TRDN: variants seen among roughly 807,000 people sequenced by gnomAD.
TRDN encodes the protein triadin in skeletal muscle.
In TRDN, 161 loss-of-function variants were observed where a neutral mutation model predicts 149.7. That is an observed-to-expected ratio of 1.08 (90% confidence interval 0.95 to 1.23). The LOEUF is 1.23. TRDN is among the 50% of genes most tolerant of loss of function. TRDN has a pLI of 0.00. For missense variants in TRDN, 896 were observed against 823.5 expected, an observed-to-expected ratio of 1.09 and a Z score of -1.08; for synonymous variants, 294 against 250.5, an observed-to-expected ratio of 1.17 and a Z score of -1.64.
At chr6:123,592,660 T>C (rs887022402) in intron 1 of TRDN, among the ~76,000 whole-genome samples, 8 of 152,224 alleles carry the variant, frequency 5.3e-5, no homozygotes, top group Non-Finnish European at 1.2e-4. Flanking sequence ...GTGAGCTTCA[T>C]AAGCTTTATT....
chr6:123,502,960 T>C, intron 8 of TRDN: 1 of 985,308 alleles, frequency 1.0e-6, no homozygotes, highest in Non-Finnish European at 1.2e-6. Context: ...ATAAGACCCT[T>C]AGTTGCCCTC....
At chr6:123,389,954 C>G (rs1179457852) in intron 13 of TRDN, among the ~76,000 whole-genome samples, 3 of 152,132 alleles carry the variant, frequency 2.0e-5, no homozygotes, top group Non-Finnish European at 4.4e-5. Context: ...TTTGACTCAA[C>G]AGACTTTGTT....
intron 24 of TRDN, among the ~76,000 whole-genome samples, chr6:123,312,362 T>A (rs557184482): frequency 6.6e-6 from 1 of 152,068 alleles, no homozygotes; most frequent in South Asian, 2.1e-4. Flanking sequence ...CTCCTCAGCC[T>A]ACTCAACATG....
intron 10 of TRDN, among the ~76,000 whole-genome samples, chr6:123,439,207 GTA>G (rs1774743509): frequency 6.6e-6 from 1 of 152,132 alleles, no homozygotes; most frequent in Admixed American, 6.6e-5. Context: ...AAAACACTGT[GTA>G]AAGTGCCTGG....
intron 1 of TRDN, among the ~76,000 whole-genome samples, chr6:123,575,363 G>C (rs1782800146): frequency 6.6e-6 from 1 of 152,054 alleles, no homozygotes; most frequent in African/African-American, 2.4e-5. Context: ...GGAATAAATT[G>C]CCTTCTCTGA....
chr6:123,471,080 G>C (rs1777124815), intron 9 of TRDN: 1 of 152,220 alleles, frequency 6.6e-6, no homozygotes, highest in Non-Finnish European at 1.5e-5. Flanking sequence ...ATGACTTTCG[G>C]AGTAATGGGT....
At chr6:123,262,592 C>T (rs567841045) in intron 33 of TRDN, among the ~76,000 whole-genome samples, 17 of 152,046 alleles carry the variant, frequency 1.1e-4, no homozygotes, top group African/African-American at 2.6e-4. Flanking sequence ...TATTGTGCTT[C>T]GCTTAATTGC....
intron 1 of TRDN, among the ~76,000 whole-genome samples, chr6:123,607,134 A>T (rs1316994695): frequency 1.2e-4 from 19 of 152,220 alleles, no homozygotes; most frequent in Admixed American, 1.2e-3. Flanking sequence ...ACAGTACTGG[A>T]TTATTGTATT....
chr6:123,444,036 GT>G (rs1480946396), intron 10 of TRDN, among the ~76,000 whole-genome samples: 2 of 150,074 alleles, frequency 1.3e-5, no homozygotes, highest in African/African-American at 5.0e-5. Flanking sequence ...CTTTAAAGTA[GT>G]TTTTTCCAAT....
chr6:123,499,971 G>A (rs1778630402), intron 8 of TRDN, among the ~76,000 whole-genome samples: 1 of 151,196 alleles, frequency 6.6e-6, no homozygotes, highest in Admixed American at 6.6e-5. Context: ...GTGGATTTTG[G>A]TACCTGCAGG....
intron 19 of TRDN, among the ~76,000 whole-genome samples, chr6:123,371,951 G>A (rs1258131186): frequency 2.0e-5 from 3 of 151,918 alleles, no homozygotes; most frequent in Admixed American, 6.6e-5. Context: ...ATACAAAATC[G>A]AGCAAGTGAA....
chr6:123,632,653 T>G (rs936728908), intron 1 of TRDN, among the ~76,000 whole-genome samples: 5 of 152,076 alleles, frequency 3.3e-5, no homozygotes, highest in Admixed American at 2.0e-4. Context: ...GAACATCTCC[T>G]GGAAGTGACC....
At chr6:123,492,828 A>T (rs1306842299) in intron 9 of TRDN, among the ~76,000 whole-genome samples, 1 of 152,160 alleles carries the variant, frequency 6.6e-6, no homozygotes, top group Non-Finnish European at 1.5e-5. Context: ...TTCTCTTATG[A>T]GTAAGTGACA....
intron 22 of TRDN, among the ~76,000 whole-genome samples, chr6:123,335,915 T>C (rs554136224): frequency 6.6e-6 from 1 of 152,126 alleles, no homozygotes; most frequent in Non-Finnish European, 1.5e-5. Context: ...ACAATTTTGA[T>C]TTTCACAAAA....
intron 7 of TRDN, among the ~76,000 whole-genome samples, chr6:123,505,110 G>T (rs1778859659): frequency 6.6e-6 from 1 of 151,882 alleles, no homozygotes; most frequent in Non-Finnish European, 1.5e-5. Flanking sequence ...TGGGCGTGGT[G>T]GTGCATGCCT....
chr6:123,507,812 C>T (rs915568130), intron 7 of TRDN, among the ~76,000 whole-genome samples: 19 of 152,126 alleles, frequency 1.2e-4, no homozygotes, highest in African/African-American at 3.6e-4. Context: ...TTGGAATTAG[C>T]GTGATCCATT....
chr6:123,380,090 A>T (rs1781656499), intron 16 of TRDN, among the ~76,000 whole-genome samples: 1 of 152,174 alleles, frequency 6.6e-6, no homozygotes, highest in Non-Finnish European at 1.5e-5. Flanking sequence ...CAAATGAGTG[A>T]ATTTGAAAAG....
chr6:123,496,270 G>A (rs370672187), intron 9 of TRDN, among the ~76,000 whole-genome samples: 1 of 151,130 alleles, frequency 6.6e-6, no homozygotes, highest in Non-Finnish European at 1.5e-5. Context: ...GGAGTGCAAA[G>A]GTTCTCATTG....
chr6:123,293,719 T>C (rs1778090787), intron 24 of TRDN, among the ~76,000 whole-genome samples: 1 of 152,154 alleles, frequency 6.6e-6, no homozygotes, highest in Non-Finnish European at 1.5e-5. Flanking sequence ...TTGTTTCTGG[T>C]CATGAATGGG....
Sources: allele counts gnomAD v4.1 joint callset (sites outside exome capture counted in the v4.1 genomes callset), GRCh38; gene constraint gnomAD v4.1.1; transcripts MANE v1.5; gene names NCBI Gene and HGNC (gene_info 2026-07-23, HGNC 2026-07-21).